Variants in ARHGEF28 observed in about 807,000 individuals in gnomAD.
ARHGEF28 encodes the protein Rho guanine nucleotide exchange factor 28, also known as 190 kDa guanine nucleotide exchange factor.
In ARHGEF28, 152 loss-of-function variants were observed where a neutral mutation model predicts 206.6. The observed-to-expected ratio is 0.74, with a 90% CI of 0.64 to 0.84. The LOEUF is 0.84. Among genes scored for constraint, ARHGEF28 ranks in the 40% least tolerant of loss-of-function variants. The pLI is 0.00. For missense variants in ARHGEF28, 2,028 were observed against 2,073.2 expected (o/e 0.98, Z 0.42); for synonymous variants, 763 against 776.4 (o/e 0.98, Z 0.29).
Position 73,909,417 on chromosome 5 carries a change from C to T in ARHGEF28, c.4167C>T (p.Ala1389=). ...LTRLLYSLQA[A]LTIQDSHIEI... ...TCCTCTGTCTGCTCTGACAGGCCGC[C>T]TTGACCATTCAGGACAGCCACATTG... The change falls in exon 34 of 36, where the codon GCC becomes GCT. Residue 1389 remains alanine, a synonymous_variant. Coordinates refer to ENST00000513042, the MANE Select transcript of ARHGEF28 (RefSeq NM_001177693.2). The T allele has an allele frequency of 6.3e-7, 1 of 1,599,716 alleles. No homozygotes were observed. Among genetic ancestry groups the T allele is most frequent in the Non-Finnish European group, 8.5e-7 (1 of 1,169,774 alleles).
intron 22 of ARHGEF28, among the ~76,000 whole-genome samples, chr5:73,881,340 G>T (rs761443333): frequency 1.1e-4 from 16 of 151,946 alleles, no homozygotes; most frequent in Non-Finnish European, 2.2e-4. Flanking sequence ...AAGCATACTG[G>T]GATTTTGTTA....
At chr5:73,838,169 C>T (rs1757775588) in intron 10 of ARHGEF28, among the ~76,000 whole-genome samples, 1 of 152,174 alleles carries the variant, frequency 6.6e-6, no homozygotes, top group Non-Finnish European at 1.5e-5. Context: ...CAAACTGCAA[C>T]ATAGCAGATT....
intron 7 of ARHGEF28, among the ~76,000 whole-genome samples, chr5:73,789,608 G>A (rs1754347465): frequency 6.6e-6 from 1 of 151,938 alleles, no homozygotes. Context: ...CATATATGGG[G>A]GAGTATATAC....
At chr5:73,784,428 G>A (rs144734132) in intron 7 of ARHGEF28, among the ~76,000 whole-genome samples, 2 of 152,024 alleles carry the variant, frequency 1.3e-5, no homozygotes, top group Non-Finnish European at 2.9e-5. Flanking sequence ...CAAATGAATG[G>A]CCAAAAAGTC....
At chr5:73,706,940 G>A (rs1170713450) in intron 2 of ARHGEF28, among the ~76,000 whole-genome samples, 1 of 152,202 alleles carries the variant, frequency 6.6e-6, no homozygotes. Context: ...GCTGTTTAGT[G>A]AATAGGGGTA....
chr5:73,866,120 C>T, intron 18 of ARHGEF28, 107 bp downstream of exon 18: 2 of 1,008,118 alleles, frequency 2.0e-6, no homozygotes, highest in South Asian at 3.5e-5. Flanking sequence ...CCAGTTATTT[C>T]TTCTTTCATA....
chr5:73,920,921 T>C (rs1763490434), intron 35 of ARHGEF28, among the ~76,000 whole-genome samples: 1 of 152,210 alleles, frequency 6.6e-6, no homozygotes, highest in African/African-American at 2.4e-5. Flanking sequence ...GTTATATCAA[T>C]AACAATTAGT....
chr5:73,866,774 A>G (rs1344946299), intron 18 of ARHGEF28, among the ~76,000 whole-genome samples: 2 of 152,010 alleles, frequency 1.3e-5, no homozygotes, highest in Non-Finnish European at 2.9e-5. Flanking sequence ...AAATTTGAAA[A>G]TCTCTTGCTT....
intron 7 of ARHGEF28, among the ~76,000 whole-genome samples, chr5:73,790,106 A>G (rs995464566): frequency 6.6e-6 from 1 of 152,156 alleles, no homozygotes; most frequent in Non-Finnish European, 1.5e-5. Context: ...TGGCTCCAAA[A>G]TCATTTCTTC....
rs565607095 is a variant in ARHGEF28, at chr5:73,839,678, C to G, written c.1147-802C>G. On this transcript the variant is annotated intron_variant, in intron 10 of 35. Transcript: ENST00000513042. ...CTCTGCCATTCAGAGTTTCCCGACT[C>G]CCCTTACCCTCCGCAGAGTCTTATA... is the stretch of plus-strand genomic sequence containing the variant. 3.9e-5 allele frequency among the ~76,000 whole-genome samples: 6 copies of G among 152,294 alleles called. No individual in the cohort carries two copies. The East Asian group carries it at 7.7e-4, about 20-fold the overall frequency.
intron 1 of ARHGEF28, among the ~76,000 whole-genome samples, chr5:73,660,348 G>T (rs1483738747): frequency 1.3e-5 from 2 of 152,084 alleles, no homozygotes; most frequent in Admixed American, 1.3e-4. Context: ...TAATTCTCTT[G>T]CTGTTTCCAT....
At chr5:73,711,360 T>C (rs972003633) in intron 2 of ARHGEF28, among the ~76,000 whole-genome samples, 36 of 152,280 alleles carry the variant, frequency 2.4e-4, no homozygotes, top group Non-Finnish European at 4.9e-4. Context: ...TATATATGAA[T>C]AAAGCTTCCT....
intron 33 of ARHGEF28, among the ~76,000 whole-genome samples, chr5:73,906,224 A>G (rs567308861): frequency 3.9e-5 from 6 of 152,198 alleles, no homozygotes; most frequent in Non-Finnish European, 7.4e-5. Context: ...TCCTTCCACA[A>G]GAGCTTTTAT....
intron 1 of ARHGEF28, among the ~76,000 whole-genome samples, chr5:73,634,800 CA>C (rs1335751612): frequency 6.6e-6 from 1 of 152,204 alleles, no homozygotes; most frequent in Non-Finnish European, 1.5e-5. Flanking sequence ...TAAAAGGAGA[CA>C]AAATACAAAT....
chr5:73,677,426 G>A (rs1210808340), intron 1 of ARHGEF28, among the ~76,000 whole-genome samples: 3 of 152,110 alleles, frequency 2.0e-5, no homozygotes, highest in East Asian at 1.9e-4. Context: ...AATGTTTATC[G>A]ACATATTCAA....
At chr5:73,802,725 G>A (rs1039978442) in intron 9 of ARHGEF28, among the ~76,000 whole-genome samples, 5 of 151,868 alleles carry the variant, frequency 3.3e-5, no homozygotes, top group Non-Finnish European at 5.9e-5. Flanking sequence ...TATAAAGTTT[G>A]TTTTATAAAA....
chr5:73,690,148 T>C (rs1580485970), intron 2 of ARHGEF28, among the ~76,000 whole-genome samples: 1 of 152,170 alleles, frequency 6.6e-6, no homozygotes, highest in African/African-American at 2.4e-5. Flanking sequence ...TTTCCTAGTT[T>C]GTGTGTAAAA....
At chr5:73,688,906 G>A (rs142892719) in intron 2 of ARHGEF28, among the ~76,000 whole-genome samples, 3,270 of 152,218 alleles carry the variant, frequency 0.021, 51 homozygotes, top group Non-Finnish European at 0.031. Flanking sequence ...CACCCACCTC[G>A]GCCTCCCAAA....
At chr5:73,786,805 G>A (rs1200791105) in intron 7 of ARHGEF28, among the ~76,000 whole-genome samples, 9 of 152,178 alleles carry the variant, frequency 5.9e-5, no homozygotes, top group Admixed American at 5.9e-4. Flanking sequence ...AATCATGAGT[G>A]CAAGTTATAT....
Sources: gnomAD v4.1 joint callset for allele counts (sites outside exome capture counted in the v4.1 genomes callset) on GRCh38, gnomAD v4.1.1 for gene constraint, MANE v1.5 for transcripts, NCBI Gene and HGNC (gene_info 2026-07-23, HGNC 2026-07-21) for gene names.